RSRC1: variants seen among roughly 807,000 people sequenced by gnomAD.
RSRC1 encodes the protein serine/Arginine-related protein 53.
Under a neutral mutation model 49.1 loss-of-function variants are expected in RSRC1, and 39 were observed. The ratio of observed to expected loss-of-function variants is 0.79; its 90% CI spans 0.61 to 1.04. The LOEUF is 1.04. Ranked by LOEUF, RSRC1 falls within the 50% of genes least tolerant of loss-of-function variation. RSRC1 has a pLI of 0.00. For missense variants in RSRC1, 388 were observed against 402.4 expected (o/e 0.96, Z 0.31); for synonymous variants, 143 against 130.8 (o/e 1.09, Z -0.63).
chr3:158,287,180 A>G (rs900630486), intron 4 of RSRC1, among the ~76,000 whole-genome samples: 1 of 152,090 alleles, frequency 6.6e-6, no homozygotes, highest in African/African-American at 2.4e-5. Flanking sequence ...ATGACCTTCT[A>G]TTTGGGATTG....
chr3:158,240,418 G>T (rs1002495777), intron 4 of RSRC1, among the ~76,000 whole-genome samples: 2 of 151,908 alleles, frequency 1.3e-5, no homozygotes, highest in Non-Finnish European at 2.9e-5. Context: ...ACCCAGGAAT[G>T]GGGTAAATAA....
intron 6 of RSRC1, among the ~76,000 whole-genome samples, chr3:158,421,240 TAAG>T (rs1055685296): frequency 3.2e-4 from 49 of 151,982 alleles, no homozygotes; most frequent in African/African-American, 1.2e-3. Context: ...ATGGAGCTGT[TAAG>T]AAGATAGGCA....
chr3:158,146,863 T>C (rs959089071), intron 3 of RSRC1, among the ~76,000 whole-genome samples: 1 of 152,142 alleles, frequency 6.6e-6, no homozygotes, highest in African/African-American at 2.4e-5. Flanking sequence ...CTTGGGAGGG[T>C]GTATGTGTCG....
chr3:158,203,038 A>G, intron 3 of RSRC1, 34 bp from the exon 4 acceptor site: 1 of 1,533,190 alleles, frequency 6.5e-7, no homozygotes, highest in Non-Finnish European at 9.0e-7. Flanking sequence ...CAAATTATAC[A>G]CTAAGTTTAT....
rs914879938 is a variant in RSRC1, at chr3:158,196,221, T to G, written c.321-6851T>G. On this transcript the variant is annotated intron_variant, in intron 3 of 9. Transcript: ENST00000611884. ...TCCTTGAAGAGGTCCTTCACATCCC[T>G]TGTAAGTTGGATTCCTAGGTATTTT... Among the ~76,000 whole-genome samples, 13 of 152,058 alleles carry G rather than the reference T, an allele frequency of 8.5e-5. No homozygotes were observed. In the South Asian group the frequency reaches 2.7e-3, roughly 32 times the overall value.
intron 6 of RSRC1, among the ~76,000 whole-genome samples, chr3:158,405,349 C>G (rs1734106386): frequency 6.6e-6 from 1 of 152,060 alleles, no homozygotes; most frequent in African/African-American, 2.4e-5. Context: ...ATGCACCCTT[C>G]TCCCCCAACA....
chr3:158,198,585 C>T (rs141125957), intron 3 of RSRC1, among the ~76,000 whole-genome samples: 2,616 of 152,196 alleles, frequency 0.017, 70 homozygotes, highest in African/African-American at 0.06. Flanking sequence ...TTCCTAGCCT[C>T]GACGGTCTTT....
intron 4 of RSRC1, among the ~76,000 whole-genome samples, chr3:158,208,120 G>A (rs1721451184): frequency 6.6e-6 from 1 of 152,024 alleles, no homozygotes; most frequent in Admixed American, 6.6e-5. Context: ...AGTCCTGTCT[G>A]AAATTTTATC....
At chr3:158,116,730 T>A (rs1714850656) in intron 1 of RSRC1, among the ~76,000 whole-genome samples, 1 of 68,776 alleles carries the variant, frequency 1.5e-5, no homozygotes, top group Non-Finnish European at 2.5e-5. Flanking sequence ...TTTGACTTCT[T>A]GAGTCCCCTG....
intron 4 of RSRC1, among the ~76,000 whole-genome samples, chr3:158,278,825 G>C (rs1725965260): frequency 1.3e-5 from 2 of 152,060 alleles, no homozygotes; most frequent in African/African-American, 4.8e-5. Context: ...TTTTTGTGAA[G>C]AAATTCTGCT....
intron 3 of RSRC1, among the ~76,000 whole-genome samples, chr3:158,132,714 A>G (rs977454175): frequency 1.3e-5 from 2 of 152,176 alleles, no homozygotes; most frequent in Non-Finnish European, 2.9e-5. Flanking sequence ...TTGTTTTTGT[A>G]GTTTTTCCTT....
intron 7 of RSRC1, among the ~76,000 whole-genome samples, chr3:158,497,139 C>A (rs923965224): frequency 6.6e-6 from 1 of 152,012 alleles, no homozygotes; most frequent in African/African-American, 2.4e-5. Context: ...CACTGTTGTA[C>A]AACAGATCTC....
intron 4 of RSRC1, among the ~76,000 whole-genome samples, chr3:158,283,766 A>G (rs2693540): frequency 0.69 from 105,136 of 151,984 alleles, 36,783 homozygotes; most frequent in East Asian, 0.84. Context: ...ATGTTGATAC[A>G]TTCTCCCAAT....
intron 5 of RSRC1, among the ~76,000 whole-genome samples, chr3:158,302,358 C>T (rs1194161414): frequency 2.0e-5 from 3 of 152,006 alleles, no homozygotes; most frequent in African/African-American, 7.3e-5. Flanking sequence ...TTTTTTAAGG[C>T]TTAAAGGAAA....
intron 3 of RSRC1, among the ~76,000 whole-genome samples, chr3:158,193,936 T>A (rs1720386508): frequency 1.3e-5 from 2 of 151,990 alleles, no homozygotes; most frequent in Non-Finnish European, 2.9e-5. Flanking sequence ...TATTGTGAGT[T>A]CAGGTCGACA....
At chr3:158,333,682 A>C (rs1729692792) in intron 5 of RSRC1, among the ~76,000 whole-genome samples, 1 of 152,246 alleles carries the variant, frequency 6.6e-6, no homozygotes, top group Admixed American at 6.5e-5. Flanking sequence ...TCAGAGGCAA[A>C]GTAAAGTAAC....
intron 4 of RSRC1, among the ~76,000 whole-genome samples, chr3:158,285,615 G>A (rs1357035377): frequency 6.6e-6 from 1 of 152,086 alleles, no homozygotes; most frequent in South Asian, 2.1e-4. Flanking sequence ...CACATCCCTT[G>A]TAAGTTGGAT....
At chr3:158,476,546 A>G (rs1274754361) in intron 7 of RSRC1, among the ~76,000 whole-genome samples, 1 of 152,128 alleles carries the variant, frequency 6.6e-6, no homozygotes, top group Non-Finnish European at 1.5e-5. Flanking sequence ...GAATTATGCT[A>G]AACCACCTGT....
At chr3:158,313,864 T>C (rs1728256004) in intron 5 of RSRC1, among the ~76,000 whole-genome samples, 1 of 152,228 alleles carries the variant, frequency 6.6e-6, no homozygotes, top group Non-Finnish European at 1.5e-5. Context: ...TTCACTCCTA[T>C]CCTTCTTTAA....
Sources: gnomAD v4.1 joint callset for allele counts (sites outside exome capture counted in the v4.1 genomes callset) on GRCh38, gnomAD v4.1.1 for gene constraint, MANE v1.5 for transcripts, NCBI Gene and HGNC (gene_info 2026-07-23, HGNC 2026-07-21) for gene names.